The following FBN1 variants were observed in gnomAD, a reference collection of about 807,000 sequenced individuals.
FBN1 encodes fibrillin 1, also known as fibrillin-1.
A neutral mutation model predicts 365.1 loss-of-function variants in FBN1; 29 were observed. The observed-to-expected ratio is 0.08, with a 90% confidence interval of 0.06 to 0.11. The LOEUF (loss-of-function observed/expected upper bound fraction) is 0.11, where lower values mean the gene tolerates loss of function less well. FBN1 is among the 10% of genes least tolerant of loss of function. The pLI is 1.00. For missense variants in FBN1, 2,476 were observed against 3,703.2 expected (o/e 0.67, Z 8.60); for synonymous variants, 1,210 against 1,270.5 (o/e 0.95, Z 1.01).
At chr15:48,630,134 G>C (rs1889957501) in intron 2 of FBN1, among the ~76,000 whole-genome samples, 1 of 152,184 alleles carries the variant, frequency 6.6e-6, no homozygotes, top group African/African-American at 2.4e-5. Flanking sequence ...GGATCCCCTT[G>C]GGCATCACAG....
At chr15:48,450,705 C>T (rs1370531703) in intron 45 of FBN1, among the ~76,000 whole-genome samples, 1 of 152,168 alleles carries the variant, frequency 6.6e-6, no homozygotes, top group Non-Finnish European at 1.5e-5. Flanking sequence ...TAATTATTCT[C>T]TCAGCTCTCT....
chr15:48,637,175 C>A (rs1054224867), intron 2 of FBN1, among the ~76,000 whole-genome samples: 1 of 152,114 alleles, frequency 6.6e-6, no homozygotes. Context: ...TTTGCTCAGA[C>A]CATCGTGGAC....
intron 30 of FBN1, among the ~76,000 whole-genome samples, chr15:48,484,400 T>A (rs2043489335): frequency 6.6e-6 from 1 of 150,670 alleles, no homozygotes; most frequent in South Asian, 2.1e-4. Context: ...TGAGACAGAG[T>A]CTCACTCTGT....
intron 8 of FBN1, among the ~76,000 whole-genome samples, chr15:48,532,894 G>A (rs2043985399): frequency 6.6e-6 from 1 of 152,086 alleles, no homozygotes; most frequent in Non-Finnish European, 1.5e-5. Context: ...GAATAACTAT[G>A]TATAACATGT....
chr15:48,521,678 T>C (rs2043856925), intron 9 of FBN1, among the ~76,000 whole-genome samples: 1 of 152,228 alleles, frequency 6.6e-6, no homozygotes, highest in South Asian at 2.1e-4. Flanking sequence ...CTTCTCCATA[T>C]GCCTTTGAGA....
intron 6 of FBN1, among the ~76,000 whole-genome samples, chr15:48,571,316 C>G (rs2044304059): frequency 6.6e-6 from 1 of 152,034 alleles, no homozygotes; most frequent in Admixed American, 6.6e-5. Flanking sequence ...CTGTCTTAGG[C>G]CTACAACAAA....
At chr15:48,450,815 T>C (rs1189358208) in intron 45 of FBN1, among the ~76,000 whole-genome samples, 3 of 152,194 alleles carry the variant, frequency 2.0e-5, no homozygotes, top group Non-Finnish European at 2.9e-5. Flanking sequence ...AAAGTTTTAG[T>C]TATTTTCATT....
intron 55 of FBN1, among the ~76,000 whole-genome samples, chr15:48,432,664 T>C (rs2043032576): frequency 2.0e-5 from 3 of 152,202 alleles, no homozygotes. Context: ...TAATAAAGGA[T>C]GTGCAGTGCA....
At chr15:48,577,361 T>C (rs913714584) in intron 6 of FBN1, among the ~76,000 whole-genome samples, 1 of 152,204 alleles carries the variant, frequency 6.6e-6, no homozygotes, top group Non-Finnish European at 1.5e-5. Flanking sequence ...CATATTTACA[T>C]GAACCAAAGT....
At chr15:48,456,237 A>C (rs2043236869) in intron 44 of FBN1, among the ~76,000 whole-genome samples, 1 of 152,228 alleles carries the variant, frequency 6.6e-6, no homozygotes. Context: ...CCTTGTTTTC[A>C]CTTGGGAGTA....
intron 4 of FBN1, among the ~76,000 whole-genome samples, chr15:48,605,034 A>C (rs1269676210): frequency 1.3e-5 from 2 of 152,234 alleles, no homozygotes; most frequent in East Asian, 3.8e-4. Context: ...GAAGTAAATT[A>C]AATGAGAAAA....
intron 9 of FBN1, among the ~76,000 whole-genome samples, chr15:48,522,220 G>T (rs2043863903): frequency 6.6e-6 from 1 of 152,004 alleles, no homozygotes; most frequent in Non-Finnish European, 1.5e-5. Context: ...ATGGTGAGTT[G>T]TATAATTACT....
intron 4 of FBN1, among the ~76,000 whole-genome samples, chr15:48,603,810 G>T (rs1180254235): frequency 2.0e-5 from 3 of 152,194 alleles, no homozygotes; most frequent in Non-Finnish European, 4.4e-5. Context: ...CCAGCCATAT[G>T]CAGTGAACCC....
intron 8 of FBN1, among the ~76,000 whole-genome samples, chr15:48,533,369 T>G (rs1394895700): frequency 6.6e-6 from 1 of 152,194 alleles, no homozygotes; most frequent in Non-Finnish European, 1.5e-5. Context: ...CAATGCTGCC[T>G]ACATATTTTC....
chr15:48,434,724 C>T lies in FBN1; in HGVS notation c.6497-11G>A, dbSNP rs183200505. The T allele has an allele frequency of 5.0e-6, 8 of 1,613,050 alleles. No individual in the cohort carries two copies. In the African/African-American group the frequency reaches 1.1e-4, roughly 22 times the overall value. Reference sequence around the variant, plus strand: ...AACATTCATCAGTATCTGCAAGAAACCAGGAATGTGTCCAAAACATGATGA... The same window carrying T: ...AACATTCATCAGTATCTGCAAGAAATCAGGAATGTGTCCAAAACATGATGA... On this transcript the variant is annotated splice_polypyrimidine_tract_variant and intron_variant, in intron 53 of 65. Coordinates refer to ENST00000316623, the MANE Select transcript of FBN1 (RefSeq NM_000138.5).
At position 48,487,055 on chromosome 15, in the gene FBN1, TA is replaced by T; in HGVS notation, c.3589+19del. ...TAAAGTAAAATAAAATAAAATAAAA[TA>T]AAATAAAAAAGAACTTACCAACACA... On this transcript the variant is annotated intron_variant, in intron 29 of 65. Transcript: ENST00000316623. The T allele has an allele frequency of 6.9e-7, 1 of 1,453,888 alleles. No individual in the cohort carries two copies. The highest frequency in any genetic ancestry group is 9.1e-7 in the Non-Finnish European group (1 of 1,098,604). The allele number at this position is 1,453,888 out of a possible 1,614,324, so 90.1% of individuals were successfully genotyped here. A position where few individuals can be genotyped will look rare whatever the true frequency, so the allele number is the denominator to read the frequency against.
intron 6 of FBN1, among the ~76,000 whole-genome samples, chr15:48,538,983 C>G (rs896208713): frequency 1.3e-5 from 2 of 152,170 alleles, no homozygotes; most frequent in Non-Finnish European, 2.9e-5. Context: ...CATAGGACAT[C>G]GCAGACATGC....
At chr15:48,443,237 C>T (rs190994901) in intron 49 of FBN1, among the ~76,000 whole-genome samples, 18 of 152,212 alleles carry the variant, frequency 1.2e-4, no homozygotes, top group African/African-American at 3.9e-4. Flanking sequence ...ACACTCCTTC[C>T]ACCCCTATAT....
In FBN1 at chr15:48,427,936, G is replaced by A. The variant is rs2042993118; in HGVS notation, c.6998-163C>T. On this transcript the variant is annotated intron_variant, in intron 57 of 65. Transcript: ENST00000316623. Reference sequence around the variant, plus strand: ...CTGGAGACAGCAGTAAAAGAGAAAGGATGACGTCTGAGGGAAACAAATAAG... The same window carrying A: ...CTGGAGACAGCAGTAAAAGAGAAAGAATGACGTCTGAGGGAAACAAATAAG... 5.6e-6 allele frequency: 4 copies of A among 719,940 alleles called. No individual in the cohort carries two copies. The East Asian group carries it at 1.1e-4, about 19-fold the overall frequency. 44.6% of individuals were successfully genotyped at this position (719,940 alleles called of 1,614,324 possible).
Sources: gnomAD v4.1 joint callset for allele counts (sites outside exome capture counted in the v4.1 genomes callset) on GRCh38, gnomAD v4.1.1 for gene constraint, MANE v1.5 for transcripts, NCBI Gene and HGNC (gene_info 2026-07-23, HGNC 2026-07-21) for gene names.